Variants in KLF17 observed in about 807,000 individuals in gnomAD.
KLF17 encodes the protein KLF transcription factor 17, also known as Krueppel-like factor 17.
KLF17 carries 31 observed loss-of-function variants against 34.2 expected under a neutral mutation model. The observed-to-expected ratio is 0.91, with a 90% CI of 0.68 to 1.22. KLF17 has a LOEUF of 1.22. KLF17 is among the 50% of genes most tolerant of loss of function. The probability of loss-of-function intolerance (pLI) is 0.00; values close to 1 mark genes in which losing one functional copy is unlikely to be tolerated. For missense variants in KLF17, 478 were observed against 505.2 expected, an observed-to-expected ratio of 0.95 and a Z score of 0.52; for synonymous variants, 179 against 186.7, an observed-to-expected ratio of 0.96 and a Z score of 0.34.
the KLF17 span, among the ~76,000 whole-genome samples, chr1:44,093,212 T>C: frequency 9.6e-4 from 146 of 151,380 alleles, 1 homozygote; most frequent in South Asian, 0.029. Context: ...GTCCAGCTGG[T>C]TGGGGGCCTG....
chr1:44,119,456 G>C lies in KLF17; in HGVS notation c.81+468G>C, dbSNP rs1487684827. On this transcript the variant is annotated intron_variant, in intron 1 of 3. Coordinates refer to ENST00000372299, the MANE Select transcript of KLF17 (RefSeq NM_173484.4). Reference sequence around the variant, plus strand: ...TAATTGGAGCCCTACTAAGTGGTAGGCTTTTCCCAGACCCTGGAAATACAA... The same window carrying C: ...TAATTGGAGCCCTACTAAGTGGTAGCCTTTTCCCAGACCCTGGAAATACAA... 2.0e-5 allele frequency among the ~76,000 whole-genome samples: 3 copies of C among 151,656 alleles called. No homozygotes were observed. In the South Asian group the frequency reaches 6.2e-4, roughly 32 times the overall value.
At chr1:44,055,543 A>G in the KLF17 span, among the ~76,000 whole-genome samples, 1 of 152,228 alleles carries the variant, frequency 6.6e-6, no homozygotes, top group African/African-American at 2.4e-5. Context: ...ATAAGAAGGC[A>G]ACAGGCTGGG....
the KLF17 span, chr1:44,104,631 A>G: frequency 1.9e-6 from 1 of 525,758 alleles, no homozygotes; most frequent in Non-Finnish European, 3.5e-6. Flanking sequence ...AGGCCAGCCC[A>G]GAAGCTGCTG....
chr1:44,072,619 G>A, the KLF17 span, among the ~76,000 whole-genome samples: 3 of 152,072 alleles, frequency 2.0e-5, no homozygotes, highest in African/African-American at 2.4e-5. Flanking sequence ...GAGGATGCCC[G>A]GGAGTTCCAG....
the KLF17 span, among the ~76,000 whole-genome samples, chr1:44,100,263 A>G: frequency 4.1e-5 from 6 of 145,112 alleles, no homozygotes; most frequent in East Asian, 8.3e-4. Flanking sequence ...ATCTCAAAAA[A>G]AAAAAAAAAA....
the KLF17 span, chr1:44,104,964 C>T: frequency 0.32 from 50,728 of 156,368 alleles, 8,454 homozygotes; most frequent in South Asian, 0.38. Context: ...ATAAAATTAG[C>T]CAGGTATGGT....
At chr1:44,074,775 C>T in the KLF17 span, 1 of 152,176 alleles carries the variant, frequency 6.6e-6, no homozygotes, top group Non-Finnish European at 1.5e-5. Context: ...TTAAAATAGT[C>T]TTTGTGCTAA....
upstream of KLF17, among the ~76,000 whole-genome samples, chr1:44,118,613 G>A (rs1039694108): frequency 2.0e-5 from 3 of 152,316 alleles, no homozygotes; most frequent in Middle Eastern, 3.4e-3. Context: ...GGGTGGAATG[G>A]GTCGGTTGGG....
chr1:44,089,522 G>A, the KLF17 span, among the ~76,000 whole-genome samples: 1 of 152,206 alleles, frequency 6.6e-6, no homozygotes, highest in African/African-American at 2.4e-5. Context: ...GGCAGATCCT[G>A]AAATAGCTGA....
the KLF17 span, among the ~76,000 whole-genome samples, chr1:44,046,427 G>A: frequency 6.6e-6 from 1 of 151,852 alleles, no homozygotes; most frequent in South Asian, 2.1e-4. Context: ...TGCTGGAGTT[G>A]CCTAGGCTAG....
At chr1:44,107,187 C>A in the KLF17 span, 1 of 152,208 alleles carries the variant, frequency 6.6e-6, no homozygotes, top group Non-Finnish European at 1.5e-5. Flanking sequence ...TCACTGCAAC[C>A]TCCGCCTCTT....
the KLF17 span, among the ~76,000 whole-genome samples, chr1:44,072,194 C>G: frequency 1.3e-5 from 2 of 151,250 alleles, no homozygotes; most frequent in Admixed American, 6.6e-5. Context: ...TTTGCCTGAG[C>G]AACTGGAAGG....
the KLF17 span, among the ~76,000 whole-genome samples, chr1:44,067,603 T>TGC: frequency 6.6e-6 from 1 of 152,372 alleles, no homozygotes; most frequent in East Asian, 1.9e-4. Flanking sequence ...GCATAAATTA[T>TGC]ACCACAGAAT....
At chr1:44,050,107 T>C in the KLF17 span, among the ~76,000 whole-genome samples, 2 of 152,236 alleles carry the variant, frequency 1.3e-5, no homozygotes, top group South Asian at 2.1e-4. Flanking sequence ...GTAGATAGCA[T>C]CGCATGGTTT....
chr1:44,130,057 A>G lies in KLF17; in HGVS notation c.786A>G (p.Val262=), dbSNP rs1235313973. ...AGCCCGGACCTGCTCCACAGACAGT[A>G]GAGAAGAACTCCAGGCCTCAGGAAG... The part of the protein sequence containing the change: ...PEQPGPAPQT[V]EKNSRPQEGT... Residue 262 remains valine (V), a synonymous_variant, in exon 2 of 4, where the codon GTA becomes GTG. Transcript: ENST00000372299. 6.2e-7 allele frequency: 1 copy of G among 1,614,216 alleles called. No homozygotes were observed. Among genetic ancestry groups the G allele is most frequent in the Non-Finnish European group, 8.5e-7 (1 of 1,180,034 alleles).
rs776240055 is a variant in KLF17 at position 44,130,589 on chromosome 1, C to T, written c.1003C>T (p.Arg335Trp). The T allele has an allele frequency of 9.9e-6, 16 of 1,613,934 alleles. No homozygotes were observed. Among genetic ancestry groups the T allele is most frequent in the South Asian group, 3.3e-5 (3 of 91,078 alleles). ...FRSDELRRHM[R>W]VHTRYRPYKC... ...TTCTGATGAGCTTAGACGACATATGCGGGTACACACCAGATATCGACCATA... is the reference window on the plus strand; with the variant it reads ...TTCTGATGAGCTTAGACGACATATGTGGGTACACACCAGATATCGACCATA... The change falls in exon 3 of 4, where the codon CGG becomes TGG. Residue 335 changes from arginine to tryptophan, a missense_variant. Arg to Trp is a moderately radical substitution (Grantham distance 101). Coordinates refer to ENST00000372299, the MANE Select transcript of KLF17 (RefSeq NM_173484.4).
the KLF17 span, among the ~76,000 whole-genome samples, chr1:44,099,995 G>A: frequency 2.6e-5 from 4 of 151,258 alleles, no homozygotes; most frequent in African/African-American, 9.7e-5. Context: ...TCAGCACTTT[G>A]GGAGGCCAAG....
chr1:44,118,683 G>C (rs748314243), upstream of KLF17, among the ~76,000 whole-genome samples: 3 of 151,980 alleles, frequency 2.0e-5, no homozygotes, highest in Non-Finnish European at 4.4e-5. Flanking sequence ...CTGTCCGTGA[G>C]GCTGCCTTGG....
chr1:44,054,214 G>A, the KLF17 span, among the ~76,000 whole-genome samples: 1 of 152,114 alleles, frequency 6.6e-6, no homozygotes, highest in Non-Finnish European at 1.5e-5. Flanking sequence ...GACATCAGGA[G>A]GAAGCTACAA....
Sources: allele counts gnomAD v4.1 joint callset (sites outside exome capture counted in the v4.1 genomes callset), GRCh38; gene constraint gnomAD v4.1.1; transcripts MANE v1.5; gene names NCBI Gene and HGNC (gene_info 2026-07-23, HGNC 2026-07-21).